RGS12: variants seen among roughly 807,000 people sequenced by gnomAD.
The protein encoded by RGS12 is regulator of G protein signaling 12.
In RGS12, 66 loss-of-function variants were observed where a neutral mutation model predicts 120.1. The ratio of observed to expected loss-of-function variants is 0.55; its 90% CI spans 0.45 to 0.67. The LOEUF is 0.67. RGS12 is among the 30% of genes least tolerant of loss of function. The pLI, the probability that RGS12 is intolerant of heterozygous loss-of-function variation, is 0.00. For synonymous variants in RGS12, 827 were observed against 804.7 expected, an observed-to-expected ratio of 1.03 and a Z score of -0.47; for missense variants, 1,859 against 1,957.7, an observed-to-expected ratio of 0.95 and a Z score of 0.95.
In RGS12 at chr4:3,431,809, G is replaced by A. The variant is rs973014433; in HGVS notation, c.4114+854G>A. On this transcript the variant is annotated intron_variant, in intron 17 of 17. Transcript: ENST00000336727. ...GTTTGCTGCTGGGGGCGATGGGAGCGCCTCTCCGTCCTGTGCCCTGGTCCA... is the reference window on the plus strand; with the variant it reads ...GTTTGCTGCTGGGGGCGATGGGAGCACCTCTCCGTCCTGTGCCCTGGTCCA... 1.7e-5 allele frequency: 17 copies of A among 985,640 alleles called. No homozygotes were observed. The Admixed American group carries it at 2.5e-4, about 14-fold the overall frequency. 61.1% of individuals were successfully genotyped at this position (985,640 alleles called of 1,614,324 possible).
At chr4:3,435,999 T>C (rs1339869388) in intron 17 of RGS12, among the ~76,000 whole-genome samples, 2 of 152,138 alleles carry the variant, frequency 1.3e-5, no homozygotes, top group Admixed American at 1.3e-4. Flanking sequence ...CACCACACTG[T>C]GCACCCTGCT....
At chr4:3,426,438 CT>C (rs1723661665) in intron 14 of RGS12, among the ~76,000 whole-genome samples, 1 of 151,984 alleles carries the variant, frequency 6.6e-6, no homozygotes, top group African/African-American at 2.4e-5. Flanking sequence ...ATCTGGCGCC[CT>C]TCCCTCCAGG....
Position 3,317,044 on chromosome 4 carries a change from G to T in RGS12, c.874G>T (p.Ala292Ser), listed in dbSNP as rs773699575. The T allele has an allele frequency of 6.2e-7, 1 of 1,613,686 alleles. No homozygotes were observed. Among genetic ancestry groups the T allele is most frequent in the Non-Finnish European group, 8.5e-7 (1 of 1,180,052 alleles). ...QLSTDKAGVV[A>S]EYPAEKLAFS... is the part of the protein sequence containing the mutation. Reference sequence around the variant, plus strand: ...GAGCACTGACAAGGCTGGAGTCGTGGCCGAGTACCCGGCCGAGAAGCTGGC... The same window carrying T: ...GAGCACTGACAAGGCTGGAGTCGTGTCCGAGTACCCGGCCGAGAAGCTGGC... The change falls in exon 2 of 18, where the codon GCC becomes TCC. Residue 292 changes from alanine (A) to serine (S), a missense_variant. Transcript: ENST00000336727.
At chr4:3,405,142 G>A (rs1720973455) in intron 4 of RGS12, among the ~76,000 whole-genome samples, 1 of 152,250 alleles carries the variant, frequency 6.6e-6, no homozygotes, top group African/African-American at 2.4e-5. Flanking sequence ...AGTGCGTCAG[G>A]AAATCATCAG....
At chr4:3,309,565 C>G (rs1724206306) in intron 1 of RGS12, among the ~76,000 whole-genome samples, 1 of 134,282 alleles carries the variant, frequency 7.4e-6, no homozygotes, top group Admixed American at 7.4e-5. Flanking sequence ...CTGGGAATGG[C>G]AGGTGTCTGC....
intron 2 of RGS12, among the ~76,000 whole-genome samples, chr4:3,325,446 G>A (rs1725494052): frequency 6.6e-6 from 1 of 152,180 alleles, no homozygotes. Flanking sequence ...CTCATGAATG[G>A]CAGAATCCAT....
intron 7 of RGS12, 68 bp from the exon 8 acceptor site, chr4:3,416,845 A>C (rs1445865620): frequency 8.9e-6 from 13 of 1,464,004 alleles, no homozygotes; most frequent in Non-Finnish European, 1.2e-5. Flanking sequence ...GTCGCCAAGC[A>C]GCCTCGCGCC....
chr4:3,340,385 G>C (rs1030862207), intron 2 of RGS12, among the ~76,000 whole-genome samples: 1 of 152,254 alleles, frequency 6.6e-6, no homozygotes, highest in South Asian at 2.1e-4. Context: ...GAGAGAGGAC[G>C]CTGGGGAGTC....
At chr4:3,346,516 G>A (rs1191930281) in intron 3 of RGS12, among the ~76,000 whole-genome samples, 2 of 152,146 alleles carry the variant, frequency 1.3e-5, no homozygotes, top group African/African-American at 4.8e-5. Context: ...TGTGGCCCAC[G>A]CATCAGGAAT....
intron 3 of RGS12, among the ~76,000 whole-genome samples, chr4:3,352,861 T>A (rs1043437380): frequency 3.3e-5 from 5 of 152,242 alleles, no homozygotes; most frequent in African/African-American, 1.2e-4. Context: ...TTTAACATAG[T>A]GACTCCGTTT....
chr4:3,420,817 C>T, intron 10 of RGS12, 99 bp downstream of exon 10: 1 of 1,062,818 alleles, frequency 9.4e-7, no homozygotes, highest in Middle Eastern at 2.0e-4. Context: ...TTACAAAACT[C>T]AGCGTTCACT....
At chr4:3,306,905 A>AGTGACG (rs2110369604) in intron 1 of RGS12, among the ~76,000 whole-genome samples, 1 of 152,236 alleles carries the variant, frequency 6.6e-6, no homozygotes, top group Admixed American at 6.5e-5. Context: ...GGGGTCAGGG[A>AGTGACG]GTGACGGTGG....
In RGS12 at chr4:3,368,440, CTG is replaced by C. The variant is rs1260212056; in HGVS notation, c.1999-17965_1999-17964del. ...TGAGTGCCTGTGTGTGTGTGGGTGC[CTG>C]TGTGTGTGTGGGGTGCCTTTGTGTG... is the stretch of plus-strand genomic sequence containing the variant. On this transcript the variant is annotated intron_variant, in intron 3 of 17. Transcript: ENST00000336727. Among the ~76,000 whole-genome samples the C allele has an allele frequency of 1.2e-3, 111 of 95,218 alleles. 2 individuals carry two copies. The Middle Eastern group carries it at 0.031, about 26-fold the overall frequency. The allele number at this position is 95,218 out of a possible 152,430, so 62.5% of individuals were successfully genotyped here. A position where few individuals can be genotyped will look rare whatever the true frequency, so the allele number is the denominator to read the frequency against.
intron 2 of RGS12, among the ~76,000 whole-genome samples, chr4:3,321,404 G>A (rs1291510552): frequency 2.6e-5 from 4 of 152,210 alleles, no homozygotes; most frequent in African/African-American, 9.7e-5. Context: ...ACTCCATCTG[G>A]GAGGCAGTGC....
intron 3 of RGS12, among the ~76,000 whole-genome samples, chr4:3,346,446 G>A (rs1049120720): frequency 6.6e-6 from 1 of 152,208 alleles, no homozygotes; most frequent in African/African-American, 2.4e-5. Context: ...TCGGCTTCTA[G>A]TCCTGTCTTG....
chr4:3,375,138 G>GT (rs1717503025), intron 3 of RGS12, among the ~76,000 whole-genome samples: 1 of 152,344 alleles, frequency 6.6e-6, no homozygotes, highest in Non-Finnish European at 1.5e-5. Flanking sequence ...GGAGACAGGA[G>GT]GCTCAGAGAC....
intron 3 of RGS12, among the ~76,000 whole-genome samples, chr4:3,359,588 A>T (rs1715361970): frequency 6.9e-6 from 1 of 145,610 alleles, no homozygotes; most frequent in Non-Finnish European, 1.5e-5. Flanking sequence ...CTTACTAGTT[A>T]TAGGTCTATT....
chr4:3,417,042 T>G lies in RGS12; in HGVS notation c.2557T>G (p.Ser853Ala). 6.2e-7 allele frequency: 1 copy of G among 1,613,016 alleles called. No homozygotes were observed. Among genetic ancestry groups the G allele is most frequent in the Non-Finnish European group, 8.5e-7 (1 of 1,179,670 alleles). ...DSQQVPSSPASKHSLGSDHSS... is the reference protein window; with the variant it reads ...DSQQVPSSPAAKHSLGSDHSS... ...GCAGCAGGTCCCCAGCAGCCCGGCT[T>G]CCAAGCACAGCCTCGGTTCAGACCA... Residue 853 changes from serine to alanine, a missense_variant, in exon 8 of 18, where the codon TCC becomes GCC. By Grantham distance (99) the Ser-to-Ala change is moderately conservative (BLOSUM62 1). This residue lies in a region of RGS12 where 375 missense variants were observed against 475.0 expected (regional missense o/e 0.79). Transcript: ENST00000336727.
At chr4:3,358,122 T>G (rs758757324) in intron 3 of RGS12, among the ~76,000 whole-genome samples, 1 of 152,240 alleles carries the variant, frequency 6.6e-6, no homozygotes, top group Non-Finnish European at 1.5e-5. Flanking sequence ...GTAATTGTTT[T>G]TATAATTTCC....
Sources: gnomAD v4.1 joint callset for allele counts (sites outside exome capture counted in the v4.1 genomes callset) on GRCh38, gnomAD v4.1.1 for gene constraint, gnomAD v4.1.1 regional missense constraint, MANE v1.5 for transcripts, NCBI Gene and HGNC (gene_info 2026-07-23, HGNC 2026-07-21) for gene names.